Variants in MROH1 observed in about 807,000 individuals in gnomAD.
MROH1 encodes the protein maestro heat-like repeat-containing protein family member 1.
Under a neutral mutation model 116.5 loss-of-function variants are expected in MROH1, and 117 were observed. The observed-to-expected ratio is 1.00, with a 90% confidence interval of 0.86 to 1.17. The LOEUF (loss-of-function observed/expected upper bound fraction) is 1.17. Among genes scored for constraint, MROH1 ranks in the 50% most tolerant of loss-of-function variants. MROH1 has a pLI of 0.00. For missense variants in MROH1, 1,873 were observed against 1,338.5 expected (o/e 1.40, Z -6.23); for synonymous variants, 921 against 583.9 (o/e 1.58, Z -8.32).
chr8:144,227,593 C>A (rs1178642666), intron 14 of MROH1, among the ~76,000 whole-genome samples: 2 of 150,846 alleles, frequency 1.3e-5, no homozygotes, highest in African/African-American at 2.4e-5. Flanking sequence ...TGCAGTGAGC[C>A]AAGATCATGC....
chr8:144,202,720 G>A (rs1474342845), intron 12 of MROH1, among the ~76,000 whole-genome samples: 6 of 137,690 alleles, frequency 4.4e-5, no homozygotes, highest in Admixed American at 2.9e-4. Flanking sequence ...TTCTGTGGAG[G>A]AGCCTGGAGA....
Position 144,239,107 on chromosome 8 carries a change from A to G in MROH1, c.1519A>G (p.Ser507Gly). The change falls in exon 16 of 44, where the codon AGC becomes GGC. Residue 507 changes from serine to glycine, a missense_variant. Coordinates refer to ENST00000326134, the MANE Select transcript of MROH1 (RefSeq NM_032450.3). Reference sequence around the variant, plus strand: ...TGGGGCCCTGACTCCGCTCTGCAGGAGCCTCGTGCATCTGGCGCAGAAGAG... The same window carrying G: ...TGGGGCCCTGACTCCGCTCTGCAGGGGCCTCGTGCATCTGGCGCAGAAGAG... ...FTGALTPLCR[S>G]LVHLAQKRQE... The G allele has an allele frequency of 1.3e-6, 1 of 775,588 alleles. No homozygotes were observed. Among genetic ancestry groups the G allele is most frequent in the Non-Finnish European group, 2.4e-6 (1 of 417,740 alleles). 48.0% of individuals were successfully genotyped at this position (775,588 alleles called of 1,614,324 possible). A position where few individuals can be genotyped will look rare whatever the true frequency, so the allele number is the denominator to read the frequency against.
At chr8:144,248,369 TC>T (rs1168827072) in intron 31 of MROH1, among the ~76,000 whole-genome samples, 11,302 of 152,128 alleles carry the variant, frequency 0.074, 1,419 homozygotes, top group African/African-American at 0.26. Context: ...CTCATGTGGG[TC>T]CCCAAGCTGG....
intron 14 of MROH1, among the ~76,000 whole-genome samples, chr8:144,227,211 G>T (rs1201884736): frequency 1.3e-5 from 2 of 152,134 alleles, no homozygotes; most frequent in African/African-American, 4.8e-5. Flanking sequence ...TGTAAATCTG[G>T]GTTAGCTTTT....
chr8:144,152,581 C>T (rs1172793861), intron 1 of MROH1, among the ~76,000 whole-genome samples: 1 of 150,298 alleles, frequency 6.7e-6, no homozygotes, highest in Non-Finnish European at 1.5e-5. Context: ...CAGTCTCGCT[C>T]TGTCGCCCAG....
rs1352406196 is a variant in MROH1, at chr8:144,163,114, T to G, written c.-56-657T>G. On this transcript the variant is annotated intron_variant, in intron 2 of 43. Coordinates refer to ENST00000326134, the MANE Select transcript of MROH1 (RefSeq NM_032450.3). The surrounding 1 kb of genome is among the most constrained non-coding windows in gnomAD (Gnocchi z 4.4). Reference sequence around the variant, plus strand: ...GGTCAGGGATGGGTCATGGTGTCTCTCCTTCATTTTTCTCTGGAGTATGTT... The same window carrying G: ...GGTCAGGGATGGGTCATGGTGTCTCGCCTTCATTTTTCTCTGGAGTATGTT... 2.0e-5 allele frequency among the ~76,000 whole-genome samples: 3 copies of G among 152,168 alleles called. No homozygotes were observed. The highest frequency in any genetic ancestry group is 1.3e-4 in the Admixed American group (2 of 15,268).
At position 144,259,421 on chromosome 8, in the gene MROH1, G is replaced by A. The variant is rs1844544346; in HGVS notation, c.4044+67G>A. 9.8e-6 allele frequency: 7 copies of A among 711,778 alleles called. No homozygotes were observed. The Admixed American group carries it at 1.2e-4, about 12-fold the overall frequency. The allele number at this position is 711,778 out of a possible 1,614,324, so 44.1% of individuals were successfully genotyped here. On this transcript the variant is annotated intron_variant, in intron 37 of 43. Coordinates refer to ENST00000326134, the MANE Select transcript of MROH1 (RefSeq NM_032450.3). ...CTCCTGCTCAGGACAGGCACGGGAT[G>A]CCCTTTTCTTACCCCTAAAAGGCCC...
At chr8:144,162,084 C>CTTTTTT (rs1179685748) in intron 2 of MROH1, among the ~76,000 whole-genome samples, 1 of 136,124 alleles carries the variant, frequency 7.3e-6, no homozygotes, top group Non-Finnish European at 1.6e-5. Flanking sequence ...TTTTTCTTTT[C>CTTTTTT]TTTTTTTTTT....
intron 1 of MROH1, among the ~76,000 whole-genome samples, chr8:144,149,439 G>A (rs1816204997): frequency 6.6e-6 from 1 of 152,158 alleles, no homozygotes; most frequent in Non-Finnish European, 1.5e-5. Context: ...GCTGACTGCT[G>A]AGGGACACCA....
At chr8:144,248,272 G>A (rs1842240688) in intron 31 of MROH1, among the ~76,000 whole-genome samples, 1 of 152,192 alleles carries the variant, frequency 6.6e-6, no homozygotes, top group Non-Finnish European at 1.5e-5. Flanking sequence ...CACAACACAA[G>A]CTTGAGTATT....
Position 144,254,959 on chromosome 8 carries a change from C to T in MROH1, c.3575C>T (p.Ala1192Val), listed in dbSNP as rs1167701786. The change falls in exon 34 of 44, where the codon GCC (alanine) becomes GTC (valine). Residue 1192 changes from alanine to valine, a missense_variant. By Grantham distance (64) the Ala-to-Val change is moderately conservative. Transcript: ENST00000326134. ...CTGGGCCGCACCCCAGACCGCGTGGCCACGCTGCTGCCTCTCTCGGTGAGT... is the reference window on the plus strand; with the variant it reads ...CTGGGCCGCACCCCAGACCGCGTGGTCACGCTGCTGCCTCTCTCGGTGAGT... ...FLLGRTPDRV[A>V]TLLPLSATCA... The T allele has an allele frequency of 5.2e-6, 4 of 769,694 alleles. No homozygotes were observed. The African/African-American group carries it at 6.8e-5, about 13-fold the overall frequency. The allele number at this position is 769,694 out of a possible 1,614,324, so 47.7% of individuals were successfully genotyped here.
chr8:144,258,811 C>G lies in MROH1; in HGVS notation c.3826C>G (p.Arg1276Gly). 1 of 769,406 alleles carries G rather than the reference C, an allele frequency of 1.3e-6. No homozygotes were observed. The highest frequency in any genetic ancestry group is 2.4e-6 in the Non-Finnish European group (1 of 414,462). 47.7% of individuals were successfully genotyped at this position (769,406 alleles called of 1,614,324 possible). ...GGACACCCTGCGGTCCATGCTACTC[C>G]GCAGCGGCAGCGAGGATGTGGTACA... ...AVDTLRSMLL[R>G]SGSEDVVQRM... Residue 1276 changes from arginine (R) to glycine (G), a missense_variant, in exon 36 of 44, where the codon CGC (arginine) becomes GGC (glycine). Transcript: ENST00000326134.
rs769141903 is a variant in MROH1 at position 144,168,344 on chromosome 8, G to A, written c.72G>A (p.Val24=). ...LDAITDKDPL[V]QEQVCSALCS... ...CCATCACCGATAAGGACCCCCTGGT[G>A]CAGGAGCAGGTCTGCAGTGCCCTGT... The change falls in exon 4 of 44, where the codon GTG becomes GTA. Residue 24 remains valine, a synonymous_variant. Coordinates refer to ENST00000326134, the MANE Select transcript of MROH1 (RefSeq NM_032450.3). 1.3e-5 allele frequency: 21 copies of A among 1,610,518 alleles called. No homozygotes were observed. The Admixed American group carries it at 2.3e-4, about 18-fold the overall frequency.
rs1314621556 is a variant in MROH1, at chr8:144,253,881, C to T, written c.3429-932C>T. ...GAGAGCCAGGTGAAGTCTCCTAGCA[C>T]CGCATCTGTCCAGGAAGCCACTGCC... is the stretch of plus-strand genomic sequence containing the variant. On this transcript the variant is annotated intron_variant, in intron 33 of 43. Transcript: ENST00000326134. Among the ~76,000 whole-genome samples, 15 of 152,042 alleles carry T rather than the reference C, an allele frequency of 9.9e-5. No individual in the cohort carries two copies. The East Asian group carries it at 2.7e-3, about 27-fold the overall frequency.
rs1466822907 is a variant in MROH1, at chr8:144,168,183, G to A, written c.23-112G>A. ...AAGCAGCTGTGCCCTCTCCTGCTCT[G>A]TGTCTGTGATCCTCAGAGGCTGCAG... On this transcript the variant is annotated intron_variant, in intron 3 of 43. Transcript: ENST00000326134. 4.7e-6 allele frequency: 6 copies of A among 1,276,020 alleles called. No individual in the cohort carries two copies. The Admixed American group carries it at 8.2e-5, about 17-fold the overall frequency. The allele number at this position is 1,276,020 out of a possible 1,614,324, so 79.0% of individuals were successfully genotyped here. A position where few individuals can be genotyped will look rare whatever the true frequency, so the allele number is the denominator to read the frequency against.
At chr8:144,159,765 AT>A (rs1161961224) in intron 1 of MROH1, among the ~76,000 whole-genome samples, 107 of 123,726 alleles carry the variant, frequency 8.6e-4, no homozygotes, top group African/African-American at 2.8e-3. Context: ...ACGCCTGGTA[AT>A]TTTTTTTTTT....
chr8:144,160,589 A>C (rs1819271172), intron 1 of MROH1, among the ~76,000 whole-genome samples: 1 of 152,180 alleles, frequency 6.6e-6, no homozygotes, highest in Admixed American at 6.5e-5. Context: ...CCCAGGCACC[A>C]GACAAATTTA....
At chr8:144,254,754 CG>C in intron 33 of MROH1, 58 bp from the exon 34 acceptor site, 1 of 722,568 alleles carries the variant, frequency 1.4e-6, no homozygotes, top group Non-Finnish European at 2.6e-6. Context: ...ACCCAGGTGG[CG>C]GGGGGCAGGC....
chr8:144,219,705 A>G (rs1210143333), intron 12 of MROH1, among the ~76,000 whole-genome samples: 2 of 152,192 alleles, frequency 1.3e-5, no homozygotes, highest in African/African-American at 2.4e-5. Context: ...TGGGATCCCA[A>G]AGAAGCACTA....
Sources: gnomAD v4.1 joint callset for allele counts (sites outside exome capture counted in the v4.1 genomes callset) on GRCh38, gnomAD v4.1.1 for gene constraint, Gnocchi (gnomAD v3.1) non-coding constraint, MANE v1.5 for transcripts, NCBI Gene and HGNC (gene_info 2026-07-23, HGNC 2026-07-21) for gene names.